Variants in HMGA2 observed in about 807,000 individuals in gnomAD.
The protein encoded by HMGA2 is high mobility group AT-hook 2.
HMGA2 carries 8 observed loss-of-function variants against 19.1 expected under a neutral mutation model. The observed-to-expected ratio is 0.42, with a 90% CI of 0.25 to 0.76. The LOEUF (loss-of-function observed/expected upper bound fraction) is 0.76, where lower values mean the gene tolerates loss of function less well. Ranked by LOEUF, HMGA2 falls within the 30% of genes least tolerant of loss-of-function variation. HMGA2 has a pLI of 0.28. For synonymous variants in HMGA2, 60 were observed against 48.8 expected (o/e 1.23, Z -0.96); for missense variants, 109 against 136.3 (o/e 0.80, Z 1.00).
At chr12:65,954,686 T>C (rs999306553) in intron 4 of HMGA2, 1 of 152,204 alleles carries the variant, frequency 6.6e-6, no homozygotes, top group Non-Finnish European at 1.5e-5. Flanking sequence ...CAGGGGTTTG[T>C]GTTTGCGAAA....
At position 65,824,513 on chromosome 12, in the gene HMGA2, T is replaced by A. The variant is rs1053775031; in HGVS notation, c.-758T>A. 3.9e-5 allele frequency: 9 copies of A among 232,660 alleles called. No homozygotes were observed. Among genetic ancestry groups the A allele is most frequent in the Admixed American group, 1.1e-4 (2 of 17,708 alleles). The allele number at this position is 232,660 out of a possible 1,614,324, so 14.4% of individuals were successfully genotyped here. On this transcript the variant is annotated 5_prime_UTR_variant, in exon 1 of 5. Transcript: ENST00000403681. ...ACTTCCAGCCCGGGCAGCGCGCGCT[T>A]GGTGCAAGACTCAGGAGCTAGCAGC... is the stretch of plus-strand genomic sequence containing the variant.
At chr12:65,961,474 T>C (rs999818117) in intron 4 of HMGA2, among the ~76,000 whole-genome samples, 8 of 152,054 alleles carry the variant, frequency 5.3e-5, no homozygotes, top group African/African-American at 1.9e-4. Flanking sequence ...AGCCCACAGT[T>C]TGGGGGTTGG....
intron 3 of HMGA2, among the ~76,000 whole-genome samples, chr12:65,854,261 A>G (rs1273948825): frequency 6.6e-6 from 1 of 152,222 alleles, no homozygotes; most frequent in African/African-American, 2.4e-5. Flanking sequence ...AGCCTTACAC[A>G]TTTATGTTTT....
intron 3 of HMGA2, among the ~76,000 whole-genome samples, chr12:65,853,063 C>G (rs756479217): frequency 6.6e-6 from 1 of 152,060 alleles, no homozygotes; most frequent in South Asian, 2.1e-4. Flanking sequence ...GGACAATGGC[C>G]GTGTCTGCAG....
intron 4 of HMGA2, among the ~76,000 whole-genome samples, chr12:65,961,656 T>C (rs1876754261): frequency 1.3e-5 from 2 of 152,206 alleles, no homozygotes; most frequent in Non-Finnish European, 2.9e-5. Flanking sequence ...GCTCGCTCAG[T>C]CTTCGGGGGG....
chr12:65,953,184 T>C (rs1876513168), intron 4 of HMGA2: 1 of 152,176 alleles, frequency 6.6e-6, no homozygotes, highest in Non-Finnish European at 1.5e-5. Flanking sequence ...TCCATCATAT[T>C]TTTTATGAAC....
At chr12:65,946,270 C>T (rs1322487509) in intron 3 of HMGA2, among the ~76,000 whole-genome samples, 2 of 152,112 alleles carry the variant, frequency 1.3e-5, no homozygotes, top group Non-Finnish European at 2.9e-5. Flanking sequence ...GAACAATGGT[C>T]ATATGATTTT....
chr12:65,903,351 T>C (rs1460733080), intron 3 of HMGA2, among the ~76,000 whole-genome samples: 3 of 152,140 alleles, frequency 2.0e-5, no homozygotes, highest in Non-Finnish European at 2.9e-5. Context: ...TAAAGGGACA[T>C]GTAGGATTTT....
intron 2 of HMGA2, among the ~76,000 whole-genome samples, chr12:65,830,290 A>G (rs1870422511): frequency 6.6e-6 from 1 of 151,982 alleles, no homozygotes; most frequent in African/African-American, 2.4e-5. Flanking sequence ...TTCTATATAA[A>G]TATGATTTTC....
At chr12:65,936,965 C>T (rs1178922690) in intron 3 of HMGA2, among the ~76,000 whole-genome samples, 1 of 152,104 alleles carries the variant, frequency 6.6e-6, no homozygotes, top group African/African-American at 2.4e-5. Context: ...ACCAAGATGT[C>T]ACCTCCTAAC....
intron 3 of HMGA2, among the ~76,000 whole-genome samples, chr12:65,846,026 T>A (rs1441565765): frequency 1.3e-5 from 2 of 152,170 alleles, no homozygotes; most frequent in Non-Finnish European, 2.9e-5. Flanking sequence ...GGGGGTCAGC[T>A]CTGGTAAAAG....
At chr12:65,871,436 A>G (rs1275552277) in intron 3 of HMGA2, among the ~76,000 whole-genome samples, 1 of 152,142 alleles carries the variant, frequency 6.6e-6, no homozygotes, top group South Asian at 2.1e-4. Context: ...CTCTTAATCC[A>G]TTTATATAGG....
chr12:65,940,113 G>GA (rs369692357), intron 3 of HMGA2, among the ~76,000 whole-genome samples: 4,405 of 148,158 alleles, frequency 0.03, 185 homozygotes, highest in African/African-American at 0.098. Context: ...AAACAAGAGA[G>GA]AAAAAAAAAC....
intron 3 of HMGA2, among the ~76,000 whole-genome samples, chr12:65,950,232 T>G (rs537643519): frequency 6.6e-6 from 1 of 152,324 alleles, no homozygotes; most frequent in Non-Finnish European, 1.5e-5. Context: ...GAAAACATGT[T>G]CGCACGAAAA....
At chr12:65,963,202 T>A (rs764303427) in intron 4 of HMGA2, 43 bp from the exon 5 acceptor site, 2 of 1,594,172 alleles carry the variant, frequency 1.3e-6, no homozygotes, top group South Asian at 2.2e-5. Flanking sequence ...GCCCACACAG[T>A]ATAACGATTG....
intron 2 of HMGA2, 104 bp from the exon 3 acceptor site, chr12:65,838,415 T>G: frequency 1.2e-6 from 1 of 812,528 alleles, no homozygotes; most frequent in Non-Finnish European, 2.0e-6. Context: ...AACCGATACG[T>G]CATCTGCAAA....
intron 2 of HMGA2, 59 bp downstream of exon 2, chr12:65,828,146 C>T: frequency 5.6e-6 from 7 of 1,261,052 alleles, no homozygotes; most frequent in Non-Finnish European, 8.2e-6. Flanking sequence ...CAGGAGCCTG[C>T]CTGTAACTTT....
At chr12:65,958,198 T>C (rs921652085) in intron 4 of HMGA2, 1 of 152,214 alleles carries the variant, frequency 6.6e-6, no homozygotes, top group Non-Finnish European at 1.5e-5. Context: ...AACCCAACTT[T>C]ATTAAGCTGA....
At chr12:65,856,592 C>T (rs1369994712) in intron 3 of HMGA2, 1 of 152,254 alleles carries the variant, frequency 6.6e-6, no homozygotes, top group African/African-American at 2.4e-5. Flanking sequence ...GCTGCCATAA[C>T]AAAGTGCCAC....
Sources: allele counts gnomAD v4.1 joint callset (sites outside exome capture counted in the v4.1 genomes callset), GRCh38; gene constraint gnomAD v4.1.1; transcripts MANE v1.5; gene names NCBI Gene and HGNC (gene_info 2026-07-23, HGNC 2026-07-21).